GRID2: variants seen among roughly 807,000 people sequenced by gnomAD.
GRID2 encodes the protein glutamate ionotropic receptor delta type subunit 2, also known as glutamate receptor ionotropic, delta-2.
GRID2 carries 33 observed loss-of-function variants against 114.8 expected under a neutral mutation model. That is an observed-to-expected ratio of 0.29 (90% CI 0.22 to 0.38). The LOEUF is 0.38. Among genes scored for constraint, GRID2 ranks in the 10% least tolerant of loss-of-function variants. The pLI is 1.00. For missense variants in GRID2, 1,184 were observed against 1,257.7 expected (o/e 0.94, Z 0.89); for synonymous variants, 505 against 449.9 (o/e 1.12, Z -1.55).
intron 13 of GRID2, among the ~76,000 whole-genome samples, chr4:93,558,350 A>G (rs995261712): frequency 1.3e-5 from 2 of 152,156 alleles, no homozygotes; most frequent in African/African-American, 4.8e-5. Context: ...CCAGACTAAT[A>G]AAGAAAAAAA....
At chr4:93,793,503 A>G (rs1034257774) in intron 1 of GRID2, among the ~76,000 whole-genome samples, 9 of 152,140 alleles carry the variant, frequency 5.9e-5, no homozygotes, top group Admixed American at 3.3e-4. Flanking sequence ...TTGGTCTTAA[A>G]CGACAGATCA....
At chr4:92,482,888 T>G (rs1722685426) in intron 1 of GRID2, among the ~76,000 whole-genome samples, 1 of 152,208 alleles carries the variant, frequency 6.6e-6, no homozygotes, top group African/African-American at 2.4e-5. Context: ...TCTATGTCTA[T>G]CATTGTTTTA....
chr4:93,515,068 A>G, intron 12 of GRID2, 148 bp from the exon 13 acceptor site: 2 of 420,146 alleles, frequency 4.8e-6, no homozygotes, highest in Non-Finnish European at 8.4e-6. Flanking sequence ...TACACATTAT[A>G]TCCTAATATC....
intron 4 of GRID2, among the ~76,000 whole-genome samples, chr4:93,129,145 A>G (rs1248761671): frequency 6.6e-6 from 1 of 152,202 alleles, no homozygotes; most frequent in African/African-American, 2.4e-5. Flanking sequence ...AATATAGCTT[A>G]ACCACACACC....
At chr4:92,872,624 G>C (rs1293467798) in intron 2 of GRID2, among the ~76,000 whole-genome samples, 1 of 152,148 alleles carries the variant, frequency 6.6e-6, no homozygotes, top group South Asian at 2.1e-4. Context: ...TATCTTCAAA[G>C]TCAGAGGAAG....
In GRID2 at chr4:93,239,171, AATAT is replaced by A. The variant is rs10596123; in HGVS notation, c.1245+693_1245+696del. 1.9e-4 allele frequency among the ~76,000 whole-genome samples: 27 copies of A among 144,882 alleles called. 1 individual carries two copies. Among genetic ancestry groups the A allele is most frequent in the Admixed American group, 1.6e-3 (23 of 14,258 alleles). Reference sequence around the variant, plus strand: ...TATATTTATAGCATTTGATATATATAATATATATATATATAGCAAATCCAAATTA... The same window carrying A: ...TATATTTATAGCATTTGATATATATAATATATATATAGCAAATCCAAATTA... On this transcript the variant is annotated intron_variant, in intron 8 of 15. Coordinates refer to ENST00000282020, the MANE Select transcript of GRID2 (RefSeq NM_001510.4).
chr4:92,642,228 T>C (rs1470227496), intron 2 of GRID2, among the ~76,000 whole-genome samples: 1 of 151,838 alleles, frequency 6.6e-6, no homozygotes, highest in Non-Finnish European at 1.5e-5. Context: ...CAAATTGCTA[T>C]CTACAGTGTC....
At chr4:93,752,171 A>C (rs1478617777) in intron 14 of GRID2, among the ~76,000 whole-genome samples, 2 of 152,118 alleles carry the variant, frequency 1.3e-5, no homozygotes, top group Non-Finnish European at 1.5e-5. Flanking sequence ...CCTGGTATGG[A>C]GAACTTAATA....
At chr4:93,511,883 C>G (rs2149487097) in intron 12 of GRID2, among the ~76,000 whole-genome samples, 1 of 151,494 alleles carries the variant, frequency 6.6e-6, no homozygotes, top group South Asian at 2.1e-4. Context: ...CTCTCGGGTT[C>G]AAGCAATTCT....
At chr4:92,608,349 C>A (rs1233214118) in intron 2 of GRID2, among the ~76,000 whole-genome samples, 1 of 151,764 alleles carries the variant, frequency 6.6e-6, no homozygotes, top group Non-Finnish European at 1.5e-5. Flanking sequence ...CTTATTATTT[C>A]TTTTAAAATG....
rs544508477 is a variant in GRID2 at position 92,407,024 on chromosome 4, G to A, written c.88+102280G>A. 2.4e-4 allele frequency among the ~76,000 whole-genome samples: 36 copies of A among 152,136 alleles called. 2 individuals are homozygous for A. The South Asian group carries it at 7.3e-3, about 31-fold the overall frequency. On this transcript the variant is annotated intron_variant, in intron 1 of 15. Coordinates refer to ENST00000282020, the MANE Select transcript of GRID2 (RefSeq NM_001510.4). ...TGGTTGGGGAGGCCACCAGAAACTT[G>A]CAATTATAGTGGAAAGCGAAGGGGA...
At chr4:92,976,628 C>A (rs1578655898) in intron 2 of GRID2, among the ~76,000 whole-genome samples, 1 of 152,192 alleles carries the variant, frequency 6.6e-6, no homozygotes, top group South Asian at 2.1e-4. Flanking sequence ...GACTACAAGG[C>A]AATTTAGTAT....
intron 2 of GRID2, among the ~76,000 whole-genome samples, chr4:92,960,194 C>A (rs938448208): frequency 1.3e-5 from 2 of 151,786 alleles, no homozygotes; most frequent in Non-Finnish European, 2.9e-5. Flanking sequence ...ATGTGGTTTA[C>A]CTTGGTGAAT....
At chr4:92,974,956 C>G (rs561053664) in intron 2 of GRID2, among the ~76,000 whole-genome samples, 25 of 151,344 alleles carry the variant, frequency 1.7e-4, no homozygotes, top group Admixed American at 3.3e-4. Flanking sequence ...AGGAGATCTA[C>G]ACCATCCTGG....
At chr4:92,691,899 A>G (rs1423827008) in intron 2 of GRID2, among the ~76,000 whole-genome samples, 1 of 152,200 alleles carries the variant, frequency 6.6e-6, no homozygotes. Context: ...TTGTTCCTCA[A>G]CAAACACATT....
intron 2 of GRID2, among the ~76,000 whole-genome samples, chr4:92,817,470 T>A (rs1407518401): frequency 6.6e-6 from 1 of 152,244 alleles, no homozygotes; most frequent in Non-Finnish European, 1.5e-5. Flanking sequence ...TAAGTTCTAG[T>A]CTTAACCTAC....
At chr4:92,461,055 T>A (rs1224898854) in intron 1 of GRID2, among the ~76,000 whole-genome samples, 1 of 151,554 alleles carries the variant, frequency 6.6e-6, no homozygotes, top group East Asian at 1.9e-4. Flanking sequence ...TTTTAATTTT[T>A]AAAGTTTTAT....
intron 13 of GRID2, among the ~76,000 whole-genome samples, chr4:93,576,159 C>A (rs1363016533): frequency 6.6e-5 from 10 of 152,282 alleles, no homozygotes; most frequent in African/African-American, 2.4e-4. Context: ...GATATAGGCA[C>A]TCAATGATAG....
chr4:92,862,602 C>T (rs1452755280), intron 2 of GRID2, among the ~76,000 whole-genome samples: 1 of 151,990 alleles, frequency 6.6e-6, no homozygotes, highest in Non-Finnish European at 1.5e-5. Context: ...CTTCCTGTGC[C>T]ATCACCAACT....
Sources: allele counts gnomAD v4.1 joint callset (sites outside exome capture counted in the v4.1 genomes callset), GRCh38; gene constraint gnomAD v4.1.1; transcripts MANE v1.5; gene names NCBI Gene and HGNC (gene_info 2026-07-23, HGNC 2026-07-21).